Variants in SPAG9 observed in about 807,000 individuals in gnomAD.
The protein encoded by SPAG9 is sperm associated antigen 9.
SPAG9 carries 35 observed loss-of-function variants against 166.5 expected under a neutral mutation model. The observed-to-expected ratio is 0.21, with a 90% CI of 0.16 to 0.28. SPAG9 has a LOEUF of 0.28. Among genes scored for constraint, SPAG9 ranks in the 10% least tolerant of loss-of-function variants. The pLI is 1.00. For missense variants in SPAG9, 1,235 were observed against 1,603.3 expected, an observed-to-expected ratio of 0.77 and a Z score of 3.92; for synonymous variants, 534 against 565.5, an observed-to-expected ratio of 0.94 and a Z score of 0.79.
In SPAG9 at chr17:50,994,588, C is replaced by T. The variant is rs577848915; in HGVS notation, c.2226+469G>A. ...CAACACAGTGAAACCCTCGTCTCTA[C>T]AAAAAATAAAATTAGCCAGGTGTGG... On this transcript the variant is annotated intron_variant, in intron 18 of 29. Coordinates refer to ENST00000262013, the MANE Select transcript of SPAG9 (RefSeq NM_001130528.3). Among the ~76,000 whole-genome samples the T allele has an allele frequency of 2.6e-5, 4 of 152,158 alleles. No individual in the cohort carries two copies. In the South Asian group the frequency reaches 8.3e-4, roughly 32 times the overall value.
At chr17:51,108,303 C>G (rs2049010724) in intron 1 of SPAG9, among the ~76,000 whole-genome samples, 2 of 150,500 alleles carry the variant, frequency 1.3e-5, no homozygotes, top group South Asian at 2.1e-4. Context: ...ACAAGAATCA[C>G]TTGAACCCAG....
intron 17 of SPAG9, 38 bp downstream of exon 17, chr17:50,995,406 T>C: frequency 6.6e-7 from 1 of 1,522,372 alleles, no homozygotes. Context: ...CTACCCAGAG[T>C]TTAGAAAACA....
rs1973221087 is a variant in SPAG9 at position 50,963,742 on chromosome 17, A to G, written c.*2530T>C. 1 of 152,270 alleles carries G rather than the reference A, an allele frequency of 6.6e-6. No individual in the cohort carries two copies. The allele number at this position is 152,270 out of a possible 1,614,324, so 9.4% of individuals were successfully genotyped here. On this transcript the variant is annotated 3_prime_UTR_variant, in exon 30 of 30. Transcript: ENST00000262013. ...TTACTTCTTGGGATTAAAATTCCCA[A>G]ACACTTTGGTGTCTCTTTCTTGTGA...
At chr17:51,033,023 G>T (rs1414200787) in intron 5 of SPAG9, among the ~76,000 whole-genome samples, 11 of 146,818 alleles carry the variant, frequency 7.5e-5, no homozygotes, top group African/African-American at 2.2e-4. Context: ...AACAGATGTG[G>T]TTTTTTTTTT....
chr17:51,010,223 G>A (rs978598447), intron 9 of SPAG9, among the ~76,000 whole-genome samples: 18 of 152,026 alleles, frequency 1.2e-4, no homozygotes, highest in African/African-American at 4.3e-4. Flanking sequence ...TTTTCCAAAG[G>A]TACATTGCTC....
intron 29 of SPAG9, among the ~76,000 whole-genome samples, chr17:50,967,227 C>G (rs2143538588): frequency 6.6e-6 from 1 of 152,300 alleles, no homozygotes; most frequent in East Asian, 1.9e-4. Context: ...TGGCACAACC[C>G]AGTGAAAAGT....
chr17:51,001,903 A>T, intron 12 of SPAG9, 58 bp from the exon 13 acceptor site: 1 of 1,498,138 alleles, frequency 6.7e-7, no homozygotes, highest in Non-Finnish European at 9.1e-7. Context: ...CTTGGTGTTC[A>T]TCTCAGAGTT....
At chr17:51,005,588 C>T (rs1377490520) in intron 11 of SPAG9, among the ~76,000 whole-genome samples, 2 of 152,268 alleles carry the variant, frequency 1.3e-5, no homozygotes, top group Non-Finnish European at 2.9e-5. Flanking sequence ...CAGTGGCTCA[C>T]GCCTGTAATC....
chr17:51,062,011 C>T (rs2047532130), intron 2 of SPAG9, among the ~76,000 whole-genome samples: 1 of 152,054 alleles, frequency 6.6e-6, no homozygotes, highest in African/African-American at 2.4e-5. Flanking sequence ...ACATACATAT[C>T]TATATTTTTT....
chr17:50,969,632 A>G (rs569242402), intron 29 of SPAG9, among the ~76,000 whole-genome samples: 1 of 152,244 alleles, frequency 6.6e-6, no homozygotes, highest in East Asian at 1.9e-4. Context: ...CAACAAATTC[A>G]TACTTTCTTC....
chr17:51,077,041 T>TATCTAG (rs2048015977), intron 2 of SPAG9, among the ~76,000 whole-genome samples: 4 of 98,512 alleles, frequency 4.1e-5, no homozygotes, highest in Non-Finnish European at 9.2e-5. Flanking sequence ...TATCTAGCTA[T>TATCTAG]CTAGCTATCT....
chr17:51,005,175 G>A lies in SPAG9; in HGVS notation c.1476+37C>T, dbSNP rs749252831. On this transcript the variant is annotated intron_variant, in intron 12 of 29. Transcript: ENST00000262013. ...GATCTTCCCGAAACACCAAAACATG[G>A]TAAGGTAAGAAAAAAAGTCCAAAAT... 1.7e-5 allele frequency: 27 copies of A among 1,580,962 alleles called. No individual in the cohort carries two copies. In the African/African-American group the frequency reaches 3.1e-4, roughly 18 times the overall value.
In SPAG9 at chr17:50,962,920, T is replaced by C. The variant is rs569920205; in HGVS notation, c.*3352A>G. 1 of 152,366 alleles carries C rather than the reference T, an allele frequency of 6.6e-6. No homozygotes were observed. Among genetic ancestry groups the C allele is most frequent in the East Asian group, 1.9e-4 (1 of 5,184 alleles). The allele number at this position is 152,366 out of a possible 1,614,324, so 9.4% of individuals were successfully genotyped here. A position where few individuals can be genotyped will look rare whatever the true frequency, so the allele number is the denominator to read the frequency against. The stretch of plus-strand genomic sequence containing the variant: ...ATATTGTGCTCAAAATGTTTTATAC[T>C]CTCCACAAGCTGCAATTAAGAGATT... On this transcript the variant is annotated 3_prime_UTR_variant, in exon 30 of 30. Coordinates refer to ENST00000262013, the MANE Select transcript of SPAG9 (RefSeq NM_001130528.3).
intron 1 of SPAG9, among the ~76,000 whole-genome samples, chr17:51,103,235 C>T (rs921083135): frequency 6.6e-6 from 1 of 152,106 alleles, no homozygotes; most frequent in African/African-American, 2.4e-5. Context: ...TCCATCCATC[C>T]AACCAACAAA....
At chr17:51,073,850 CCCAA>C in intron 2 of SPAG9, among the ~76,000 whole-genome samples, 1 of 152,328 alleles carries the variant, frequency 6.6e-6, no homozygotes, top group Admixed American at 6.5e-5. Flanking sequence ...CGCCTGTAAT[CCCAA>C]CACTTTGGGA....
intron 3 of SPAG9, among the ~76,000 whole-genome samples, chr17:51,053,849 AAAAAAGTAT>A (rs1385111379): frequency 2.6e-4 from 18 of 69,710 alleles, no homozygotes; most frequent in Admixed American, 1.0e-3. Context: ...AAAAAAAAAA[AAAAAAGTAT>A]ATATATATAT....
intron 3 of SPAG9, among the ~76,000 whole-genome samples, chr17:51,052,732 T>C (rs1234762640): frequency 1.3e-5 from 2 of 152,096 alleles, no homozygotes; most frequent in African/African-American, 4.8e-5. Context: ...GGAAAAAATA[T>C]GAAATTTCAC....
rs541783066 is a variant in SPAG9, at chr17:51,107,192, C to G, written c.303+13162G>C. 4.6e-5 allele frequency among the ~76,000 whole-genome samples: 7 copies of G among 151,906 alleles called. 1 individual carries two copies. In the East Asian group the frequency reaches 9.7e-4, roughly 21 times the overall value. On this transcript the variant is annotated intron_variant, in intron 1 of 29. Coordinates refer to ENST00000262013, the MANE Select transcript of SPAG9 (RefSeq NM_001130528.3). The stretch of plus-strand genomic sequence containing the variant: ...ATGTTTCTGTTTATCTTTCCACCTA[C>G]TTGGGGGAATGGGATAAGGTAGAAC...
intron 2 of SPAG9, among the ~76,000 whole-genome samples, chr17:51,065,134 T>C (rs773565142): frequency 2.6e-5 from 4 of 152,128 alleles, no homozygotes; most frequent in Non-Finnish European, 4.4e-5. Flanking sequence ...AAAAAATATA[T>C]ATATAAATAC....
Sources: gnomAD v4.1 joint callset for allele counts (sites outside exome capture counted in the v4.1 genomes callset) on GRCh38, gnomAD v4.1.1 for gene constraint, MANE v1.5 for transcripts, NCBI Gene and HGNC (gene_info 2026-07-23, HGNC 2026-07-21) for gene names.